Variants in CSMD1 observed in about 807,000 individuals in gnomAD.
CSMD1 encodes CUB and Sushi multiple domains 1.
CSMD1 carries 213 observed loss-of-function variants against 417.5 expected under a neutral mutation model. The observed-to-expected ratio is 0.51, with a 90% CI of 0.46 to 0.57. The LOEUF (loss-of-function observed/expected upper bound fraction) is 0.57. CSMD1 is among the 20% of genes least tolerant of loss of function. The pLI is 0.00. For missense variants in CSMD1, 6,923 were observed against 4,529.7 expected, an observed-to-expected ratio of 1.53 and a Z score of -15.17; for synonymous variants, 2,862 against 1,736.8, an observed-to-expected ratio of 1.65 and a Z score of -16.11.
At chr8:3,569,727 G>T (rs1006573813) in intron 10 of CSMD1, among the ~76,000 whole-genome samples, 2 of 152,084 alleles carry the variant, frequency 1.3e-5, no homozygotes, top group African/African-American at 4.8e-5. Flanking sequence ...GTCTCCCAAG[G>T]AATCAAATTA....
rs563642014 is a variant in CSMD1, at chr8:4,011,391, C to T, written c.611-13281G>A. On this transcript the variant is annotated intron_variant, in intron 4 of 69. Transcript: ENST00000635120. The stretch of plus-strand genomic sequence containing the variant: ...TGATTCCATGTCTGCTTCCAGACTC[C>T]ACATTCCCCTCTAGCCTTACTTTCT... Among the ~76,000 whole-genome samples the T allele has an allele frequency of 2.6e-5, 4 of 152,284 alleles. No homozygotes were observed. The East Asian group carries it at 7.7e-4, about 29-fold the overall frequency.
At chr8:4,408,472 G>A (rs1563142293) in intron 3 of CSMD1, among the ~76,000 whole-genome samples, 1 of 152,176 alleles carries the variant, frequency 6.6e-6, no homozygotes, top group Non-Finnish European at 1.5e-5. Context: ...ATTATTGACT[G>A]TTTTTAATAG....
intron 46 of CSMD1, among the ~76,000 whole-genome samples, chr8:3,103,825 CCT>C (rs1408869786): frequency 6.6e-6 from 1 of 152,114 alleles, no homozygotes; most frequent in Non-Finnish European, 1.5e-5. Flanking sequence ...CTCACTGCAA[CCT>C]CTGCCTCCCA....
rs1320139624 is a variant in CSMD1 at position 2,994,171 on chromosome 8, A to AAAAG, written c.8377+3839_8377+3840insCTTT. 1.6e-3 allele frequency among the ~76,000 whole-genome samples: 206 copies of AAAAG among 131,422 alleles called. 11 individuals carry two copies. Among genetic ancestry groups the AAAAG allele is most frequent in the African/African-American group, 5.6e-3 (192 of 34,180 alleles). 86.2% of individuals were successfully genotyped at this position (131,422 alleles called of 152,430 possible). On this transcript the variant is annotated intron_variant, in intron 54 of 69. Transcript: ENST00000635120. Reference sequence around the variant, plus strand: ...AAAAAAAAAAAAAAAAAAAAAAAAAAGCAAGAAGAAGAAAGAAAGTAAGAA... The same window carrying AAAAG: ...AAAAAAAAAAAAAAAAAAAAAAAAAAAAAGGCAAGAAGAAGAAAGAAAGTAAGAA...
intron 10 of CSMD1, among the ~76,000 whole-genome samples, chr8:3,566,443 G>C (rs1433902314): frequency 1.3e-5 from 2 of 151,880 alleles, no homozygotes; most frequent in Non-Finnish European, 2.9e-5. Flanking sequence ...CTGTACCTAG[G>C]GACCACCGTA....
intron 5 of CSMD1, among the ~76,000 whole-genome samples, chr8:3,860,118 C>T (rs952905689): frequency 1.3e-5 from 2 of 152,048 alleles, no homozygotes; most frequent in Admixed American, 1.3e-4. Flanking sequence ...TCATATTGAT[C>T]CCCTTTGAAG....
intron 26 of CSMD1, among the ~76,000 whole-genome samples, chr8:3,276,136 T>C (rs1045135715): frequency 6.6e-6 from 1 of 152,178 alleles, no homozygotes; most frequent in African/African-American, 2.4e-5. Context: ...TTTGTTAGTT[T>C]TCCTTCTAAC....
chr8:4,980,533 G>C (rs1343778016), intron 1 of CSMD1, among the ~76,000 whole-genome samples: 2 of 152,182 alleles, frequency 1.3e-5, no homozygotes, highest in Non-Finnish European at 2.9e-5. Flanking sequence ...TGCCTTTTGG[G>C]TGAGATATTG....
At chr8:3,129,982 A>C (rs1817710152) in intron 41 of CSMD1, among the ~76,000 whole-genome samples, 1 of 151,134 alleles carries the variant, frequency 6.6e-6, no homozygotes, top group African/African-American at 2.4e-5. Context: ...CTCTGTCCCA[A>C]AAAAAAAAGA....
At chr8:4,159,567 C>A (rs1042905507) in intron 3 of CSMD1, among the ~76,000 whole-genome samples, 1 of 152,142 alleles carries the variant, frequency 6.6e-6, no homozygotes, top group Non-Finnish European at 1.5e-5. Flanking sequence ...GTATTCACAG[C>A]AACCTGGATG....
chr8:4,352,608 G>A (rs969237051), intron 3 of CSMD1, among the ~76,000 whole-genome samples: 5 of 152,202 alleles, frequency 3.3e-5, no homozygotes, highest in African/African-American at 1.2e-4. Flanking sequence ...TTTGAGAAAA[G>A]TCATTTGCCC....
rs1267296756 is a variant in CSMD1, at chr8:4,074,170, T to A, written c.416-42071A>T. Among the ~76,000 whole-genome samples the A allele has an allele frequency of 1.3e-5, 2 of 152,114 alleles. 1 individual carries two copies. The highest frequency in any genetic ancestry group is 2.9e-5 in the Non-Finnish European group (2 of 67,962). On this transcript the variant is annotated intron_variant, in intron 3 of 69. Coordinates refer to ENST00000635120, the MANE Select transcript of CSMD1 (RefSeq NM_033225.6). ...ACATATACATATAATGCATAACTTG[T>A]ATGGTCCAAATTAGTTAATGTCACT...
intron 15 of CSMD1, 38 bp downstream of exon 15, chr8:3,405,989 T>C: frequency 6.3e-7 from 1 of 1,594,138 alleles, no homozygotes; most frequent in Non-Finnish European, 8.6e-7. Flanking sequence ...AGATGTGTGA[T>C]TTCAAAGGAG....
chr8:4,309,379 C>G (rs1798433805), intron 3 of CSMD1, among the ~76,000 whole-genome samples: 1 of 151,816 alleles, frequency 6.6e-6, no homozygotes. Context: ...TCTGTAGTCC[C>G]TTAGAGAAGA....
chr8:4,658,181 A>G (rs1361825455), intron 1 of CSMD1, among the ~76,000 whole-genome samples: 2 of 152,130 alleles, frequency 1.3e-5, no homozygotes, highest in East Asian at 1.9e-4. Flanking sequence ...AGCAGAAATA[A>G]TGTTTGAATA....
chr8:4,153,505 C>G (rs1264742989), intron 3 of CSMD1, among the ~76,000 whole-genome samples: 1 of 152,208 alleles, frequency 6.6e-6, no homozygotes, highest in African/African-American at 2.4e-5. Context: ...TTTCTGCTCA[C>G]AATTGTTGAA....
intron 7 of CSMD1, among the ~76,000 whole-genome samples, chr8:3,706,561 A>G (rs1801179525): frequency 2.6e-5 from 4 of 152,322 alleles, no homozygotes; most frequent in Admixed American, 2.6e-4. Context: ...GCATATGTCA[A>G]TTTGTGTTCA....
At chr8:4,427,832 A>G (rs1797652797) in intron 2 of CSMD1, among the ~76,000 whole-genome samples, 4 of 152,298 alleles carry the variant, frequency 2.6e-5, no homozygotes, top group East Asian at 1.9e-4. Flanking sequence ...AACCTATTGA[A>G]TAATTCTTTT....
At chr8:3,092,025 T>C (rs1359209160) in intron 47 of CSMD1, among the ~76,000 whole-genome samples, 1 of 152,158 alleles carries the variant, frequency 6.6e-6, no homozygotes, top group Admixed American at 6.5e-5. Context: ...AGTGGAAGCG[T>C]AAAGTAGTAG....
Sources: gnomAD v4.1 joint callset for allele counts (sites outside exome capture counted in the v4.1 genomes callset) on GRCh38, gnomAD v4.1.1 for gene constraint, MANE v1.5 for transcripts, NCBI Gene and HGNC (gene_info 2026-07-23, HGNC 2026-07-21) for gene names.